ARID5A: variants seen among roughly 807,000 people sequenced by gnomAD.
The protein encoded by ARID5A is AT-rich interaction domain 5A, also known as AT-rich interactive domain-containing protein 5A.
Under a neutral mutation model 30.5 loss-of-function variants are expected in ARID5A, and 14 were observed. The observed-to-expected ratio is 0.46, with a 90% CI of 0.30 to 0.72. ARID5A has a LOEUF of 0.72. Among genes scored for constraint, ARID5A ranks in the 30% least tolerant of loss-of-function variants. The pLI, the probability that ARID5A is intolerant of heterozygous loss-of-function variation, is 0.07. For missense variants in ARID5A, 669 were observed against 786.2 expected (o/e 0.85, Z 1.78); for synonymous variants, 338 against 340.4 (o/e 0.99, Z 0.08).
In ARID5A at chr2:96,549,218, TG is replaced by T; in HGVS notation, c.121-99del. The T allele has an allele frequency of 1.3e-6, 2 of 1,527,210 alleles. No individual in the cohort carries two copies. The highest frequency in any genetic ancestry group is 1.8e-6 in the Non-Finnish European group (2 of 1,138,508). The allele number at this position is 1,527,210 out of a possible 1,614,324, so 94.6% of individuals were successfully genotyped here. ...TAGGTGTTCTCTGGGAAACTGGGGT[TG>T]GGGTAGGTACCTTATTCCTCCTGCA... On this transcript the variant is annotated intron_variant, in intron 2 of 6. Coordinates refer to ENST00000357485, the MANE Select transcript of ARID5A (RefSeq NM_212481.3). The surrounding 1 kb of genome is among the most constrained non-coding windows in gnomAD (Gnocchi z 6.1).
rs866734068 is a variant in ARID5A at position 96,551,378 on chromosome 2, G to A, written c.850G>A (p.Ala284Thr). ...CCAGGAGGAGGGCTGCCGCCATGGG[G>A]CAGAGCCCCAGGCGTCCCCAGCTGT... Reference protein sequence around the residue: ...QCQEEGCRHGAEPQASPAVHL... With the variant: ...QCQEEGCRHGTEPQASPAVHL... Residue 284 changes from alanine to threonine, a missense_variant, in exon 7 of 7, where the codon GCA (alanine) becomes ACA (threonine). Coordinates refer to ENST00000357485, the MANE Select transcript of ARID5A (RefSeq NM_212481.3). 6.2e-7 allele frequency: 1 copy of A among 1,611,774 alleles called. No individual in the cohort carries two copies. The highest frequency in any genetic ancestry group is 1.1e-5 in the South Asian group (1 of 91,014).
Position 96,547,440 on chromosome 2 carries a change from G to C in ARID5A, c.43G>C (p.Gly15Arg). Residue 15 changes from glycine to arginine, a missense_variant, in exon 2 of 7, where the codon GGT becomes CGT. Gly to Arg is a moderately radical substitution (Grantham distance 125). Around this residue, in one of 4 missense-constraint regions of ARID5A, gnomAD observed 56 missense variants for 72.8 expected, o/e 0.77. Transcript: ENST00000357485. ...AGGGAACAGGAAGCAGTCCACGGAG[G>C]GTGACGCCCTAGACCCACCTGCATC... ...VKGNRKQSTE[G>R]DALDPPASPK... 1 of 1,613,972 alleles carries C rather than the reference G, an allele frequency of 6.2e-7. No individual in the cohort carries two copies.
At chr2:96,546,490 C>T (rs1343686227) in intron 1 of ARID5A, among the ~76,000 whole-genome samples, 7 of 152,234 alleles carry the variant, frequency 4.6e-5, no homozygotes, top group East Asian at 1.9e-4. Flanking sequence ...CTGCCCACCA[C>T]GCAGGGTTGT....
intron 1 of ARID5A, among the ~76,000 whole-genome samples, chr2:96,541,701 A>G (rs2065848137): frequency 6.6e-6 from 1 of 152,198 alleles, no homozygotes; most frequent in South Asian, 2.1e-4. Flanking sequence ...CATCATCATT[A>G]TTGCTTGCTG....
Position 96,549,329 on chromosome 2 carries a change from C to G in ARID5A, c.129C>G (p.Pro43=). The change falls in exon 3 of 7, where the codon CCC becomes CCG. Residue 43 remains proline, a synonymous_variant. Transcript: ENST00000357485. This position sits in a 1 kb window ranked among gnomAD's most constrained non-coding sequence, Gnocchi z 6.1. ...IQNPISLEDS[P]EAGGEREEEQ... is the part of the protein sequence containing the mutation. ...TCCTGTTCTCTCCCCAGGACTCCCC[C>G]GAGGCAGGCGGGGAGCGGGAGGAGG... The G allele has an allele frequency of 1.9e-6, 3 of 1,613,070 alleles. No homozygotes were observed. Among genetic ancestry groups the G allele is most frequent in the South Asian group, 1.1e-5 (1 of 91,008 alleles).
chr2:96,551,777 T>C lies in ARID5A; in HGVS notation c.1249T>C (p.Trp417Arg). 3.3e-6 allele frequency: 5 copies of C among 1,537,950 alleles called. No homozygotes were observed. The highest frequency in any genetic ancestry group is 4.4e-6 in the Non-Finnish European group (5 of 1,147,112). The change falls in exon 7 of 7, where the codon TGG becomes CGG. Residue 417 changes from tryptophan (W) to arginine (R), a missense_variant. Physicochemically the swap from Trp to Arg is moderately radical, Grantham distance 101. Transcript: ENST00000357485. ...CCTCTACCCCAAGCCCAAAGCCTGC[T>C]GGGTGTCCCCCATGGCCAAGGTCCC... ...GILYPKPKAC[W>R]VSPMAKVPAE...
At chr2:96,545,710 C>G (rs1443804853) in intron 1 of ARID5A, among the ~76,000 whole-genome samples, 1 of 151,768 alleles carries the variant, frequency 6.6e-6, no homozygotes, top group African/African-American at 2.4e-5. Flanking sequence ...AATCCCAGCA[C>G]TTTGGGAGGC....
rs182090743 is a variant in ARID5A at position 96,541,071 on chromosome 2, C to G, written c.4+4241C>G. ...TTTTTTTTTTTGAGAAGGAATCTCG[C>G]TCTGTCGCCAGGCTGGAATGCAGTG... On this transcript the variant is annotated intron_variant, in intron 1 of 6. Transcript: ENST00000357485. Among the ~76,000 whole-genome samples the G allele has an allele frequency of 2.8e-4, 40 of 141,894 alleles. No homozygotes were observed. In the East Asian group the frequency reaches 7.6e-3, roughly 27 times the overall value. 93.1% of individuals were successfully genotyped at this position (141,894 alleles called of 152,430 possible). A position where few individuals can be genotyped will look rare whatever the true frequency, so the allele number is the denominator to read the frequency against.
rs2065764876 is a variant in ARID5A at position 96,537,743 on chromosome 2, TG to T, written c.4+914del. On this transcript the variant is annotated intron_variant, in intron 1 of 6. Coordinates refer to ENST00000357485, the MANE Select transcript of ARID5A (RefSeq NM_212481.3). The surrounding 1 kb of genome is among the most constrained non-coding windows in gnomAD (Gnocchi z 4.8). ...GGGCCCGCGCTCCGTCCCTCCGCGG[TG>T]TCTAGGGGTCGCCCGGGCTGGGGTC... The T allele has an allele frequency of 2.0e-6, 1 of 495,158 alleles. No individual in the cohort carries two copies. Among genetic ancestry groups the T allele is most frequent in the Non-Finnish European group, 2.6e-6 (1 of 382,390 alleles). The allele number at this position is 495,158 out of a possible 1,614,324, so 30.7% of individuals were successfully genotyped here.
rs893837524 is a variant in ARID5A, at chr2:96,537,806, T to G, written c.4+976T>G. Reference sequence around the variant, plus strand: ...CGCCCAGCGCCGGCGTGGTGGGGCTTGCGCGGTGCAGGACCCCCGAGGGCC... The same window carrying G: ...CGCCCAGCGCCGGCGTGGTGGGGCTGGCGCGGTGCAGGACCCCCGAGGGCC... On this transcript the variant is annotated intron_variant, in intron 1 of 6. Transcript: ENST00000357485. This position sits in a 1 kb window ranked among gnomAD's most constrained non-coding sequence, Gnocchi z 4.8. 1 of 957,074 alleles carries G rather than the reference T, an allele frequency of 1.0e-6. No homozygotes were observed. Among genetic ancestry groups the G allele is most frequent in the Non-Finnish European group, 1.2e-6 (1 of 804,094 alleles). 59.3% of individuals were successfully genotyped at this position (957,074 alleles called of 1,614,324 possible). A position where few individuals can be genotyped will look rare whatever the true frequency, so the allele number is the denominator to read the frequency against.
Position 96,550,643 on chromosome 2 carries a change from G to A in ARID5A, c.480G>A (p.Arg160=). Residue 160 remains arginine (R), a synonymous_variant, in exon 6 of 7, where the codon AGG becomes AGA. Transcript: ENST00000357485. The surrounding 1 kb of genome is among the most constrained non-coding windows in gnomAD (Gnocchi z 6.6). ...DDKPLPTSKP[R]KQYKMAKENR... ...AGCCGCTGCCCACCTCCAAGCCCAG[G>A]AAACAGTACAAGATGGCTAAGGAGA... 1 of 1,607,952 alleles carries A rather than the reference G, an allele frequency of 6.2e-7. No individual in the cohort carries two copies. The highest frequency in any genetic ancestry group is 8.5e-7 in the Non-Finnish European group (1 of 1,177,778).
intron 1 of ARID5A, among the ~76,000 whole-genome samples, chr2:96,543,423 G>A (rs886333004): frequency 6.6e-6 from 1 of 151,578 alleles, no homozygotes; most frequent in Non-Finnish European, 1.5e-5. Context: ...CAAGTCTATC[G>A]ATGCCATTTT....
At chr2:96,542,480 G>A (rs1478331172) in intron 1 of ARID5A, among the ~76,000 whole-genome samples, 2 of 152,148 alleles carry the variant, frequency 1.3e-5, no homozygotes, top group Admixed American at 6.5e-5. Context: ...TTTTCCCCTG[G>A]TGTGGTCCAG....
chr2:96,542,644 G>T (rs1330747655), intron 1 of ARID5A, among the ~76,000 whole-genome samples: 1 of 152,302 alleles, frequency 6.6e-6, no homozygotes, highest in East Asian at 1.9e-4. Context: ...TGGGGCCGGA[G>T]CATTATGCTC....
In ARID5A at chr2:96,550,176, G is replaced by T. The variant is rs1316233237; in HGVS notation, c.313-12G>T. ...CGCCCGCCGGCCGCGCCCTCACGAG[G>T]TGCCCTTGCAGGTGACCGGGCGCCG... On this transcript the variant is annotated splice_polypyrimidine_tract_variant and intron_variant, in intron 4 of 6. Coordinates refer to ENST00000357485, the MANE Select transcript of ARID5A (RefSeq NM_212481.3). The surrounding 1 kb of genome is among the most constrained non-coding windows in gnomAD (Gnocchi z 6.6). 3 of 1,534,540 alleles carry T rather than the reference G, an allele frequency of 2.0e-6. No individual in the cohort carries two copies. Among genetic ancestry groups the T allele is most frequent in the African/African-American group, 1.4e-5 (1 of 72,746 alleles).
chr2:96,536,839 C>T lies in ARID5A; in HGVS notation c.4+9C>T. The T allele has an allele frequency of 8.2e-7, 1 of 1,226,500 alleles. No homozygotes were observed. The highest frequency in any genetic ancestry group is 1.0e-6 in the Non-Finnish European group (1 of 984,488). The allele number at this position is 1,226,500 out of a possible 1,614,324, so 76.0% of individuals were successfully genotyped here. On this transcript the variant is annotated intron_variant, in intron 1 of 6. Coordinates refer to ENST00000357485, the MANE Select transcript of ARID5A (RefSeq NM_212481.3). ...ACCTCTCCGGGCCATGGGTAAGCGG[C>T]TCTGCGGCGCGGCCCGGACAGGGGC...
chr2:96,539,022 C>T lies in ARID5A; in HGVS notation c.4+2192C>T, dbSNP rs2065796814. 6.6e-6 allele frequency among the ~76,000 whole-genome samples: 1 copy of T among 152,332 alleles called. No homozygotes were observed. The highest frequency in any genetic ancestry group is 1.5e-5 in the Non-Finnish European group (1 of 68,028). The stretch of plus-strand genomic sequence containing the variant: ...TAAGTCCATTGCGCTCATCCTGCAC[C>T]CAGGAGGCTGATGTTTCCGGAGCAC... On this transcript the variant is annotated intron_variant, in intron 1 of 6. Coordinates refer to ENST00000357485, the MANE Select transcript of ARID5A (RefSeq NM_212481.3). The surrounding 1 kb of genome is among the most constrained non-coding windows in gnomAD (Gnocchi z 4.7).
At position 96,537,800 on chromosome 2, in the gene ARID5A, G is replaced by A; in HGVS notation, c.4+970G>A. 1.1e-6 allele frequency: 1 copy of A among 941,368 alleles called. No individual in the cohort carries two copies. The highest frequency in any genetic ancestry group is 4.9e-5 in the South Asian group (1 of 20,458). The allele number at this position is 941,368 out of a possible 1,614,324, so 58.3% of individuals were successfully genotyped here. ...ACCCTCCGCCCAGCGCCGGCGTGGT[G>A]GGGCTTGCGCGGTGCAGGACCCCCG... On this transcript the variant is annotated intron_variant, in intron 1 of 6. Transcript: ENST00000357485. This position sits in a 1 kb window ranked among gnomAD's most constrained non-coding sequence, Gnocchi z 4.8.
At position 96,550,641 on chromosome 2, in the gene ARID5A, A is replaced by G. The variant is rs2066019185; in HGVS notation, c.478A>G (p.Arg160Gly). The G allele has an allele frequency of 6.2e-7, 1 of 1,607,786 alleles. No individual in the cohort carries two copies. The highest frequency in any genetic ancestry group is 2.2e-5 in the East Asian group (1 of 44,656). ...CAAGCCGCTGCCCACCTCCAAGCCCAGGAAACAGTACAAGATGGCTAAGGA... is the reference window on the plus strand; with the variant it reads ...CAAGCCGCTGCCCACCTCCAAGCCCGGGAAACAGTACAAGATGGCTAAGGA... Reference protein sequence around the residue: ...DDKPLPTSKPRKQYKMAKENR... With the variant: ...DDKPLPTSKPGKQYKMAKENR... The change falls in exon 6 of 7, where the codon AGG (arginine) becomes GGG (glycine). Residue 160 changes from arginine to glycine, a missense_variant. Physicochemically the swap from Arg to Gly is moderately radical, Grantham distance 125. Around this residue, in one of 4 missense-constraint regions of ARID5A, gnomAD observed 548 missense variants for 577.4 expected, o/e 0.95. Transcript: ENST00000357485. This position sits in a 1 kb window ranked among gnomAD's most constrained non-coding sequence, Gnocchi z 6.6.
Sources: allele counts gnomAD v4.1 joint callset (sites outside exome capture counted in the v4.1 genomes callset), GRCh38; gene constraint gnomAD v4.1.1; regional missense constraint gnomAD v4.1.1; non-coding constraint Gnocchi (gnomAD v3.1); transcripts MANE v1.5; gene names NCBI Gene and HGNC (gene_info 2026-07-23, HGNC 2026-07-21).